The following DLGAP2 variants were observed in gnomAD, a reference collection of about 807,000 sequenced individuals.
DLGAP2 encodes the protein disks large-associated protein 2.
In DLGAP2, 26 loss-of-function variants were observed where a neutral mutation model predicts 100.3. That is an observed-to-expected ratio of 0.26 (90% confidence interval 0.19 to 0.36). The LOEUF (loss-of-function observed/expected upper bound fraction) is 0.36. DLGAP2 is among the 10% of genes least tolerant of loss of function. The pLI is 1.00. For missense variants in DLGAP2, 1,858 were observed against 1,453.2 expected (o/e 1.28, Z -4.53); for synonymous variants, 886 against 630.1 (o/e 1.41, Z -6.08).
intron 2 of DLGAP2, chr8:1,248,594 G>T (rs1269034325): frequency 6.8e-6 from 1 of 148,058 alleles, no homozygotes; most frequent in Middle Eastern, 3.5e-3. Flanking sequence ...TTTGAGATCA[G>T]TGTAGGAGTG....
intron 2 of DLGAP2, among the ~76,000 whole-genome samples, chr8:946,017 G>T (rs1762715323): frequency 6.6e-6 from 1 of 152,104 alleles, no homozygotes; most frequent in South Asian, 2.1e-4. Flanking sequence ...TCTCTGGGGG[G>T]TTGAACTCCT....
intron 6 of DLGAP2, among the ~76,000 whole-genome samples, chr8:1,618,528 T>C (rs893433731): frequency 6.6e-6 from 1 of 152,190 alleles, no homozygotes; most frequent in Admixed American, 6.5e-5. Flanking sequence ...AACCTCAGTT[T>C]TTAGAGAAAC....
intron 3 of DLGAP2, among the ~76,000 whole-genome samples, chr8:1,370,276 C>T (rs991965334): frequency 3.3e-5 from 5 of 152,124 alleles, no homozygotes; most frequent in Non-Finnish European, 7.4e-5. Flanking sequence ...GACAAGTTCT[C>T]AGCAGTTCCC....
intron 1 of DLGAP2, among the ~76,000 whole-genome samples, chr8:779,231 C>G (rs964921783): frequency 5.1e-4 from 77 of 152,340 alleles, no homozygotes; most frequent in African/African-American, 1.8e-3. Flanking sequence ...CTGACCTGTG[C>G]CCACTCTCTG....
chr8:837,471 A>G (rs186012319), intron 1 of DLGAP2, among the ~76,000 whole-genome samples: 1 of 152,202 alleles, frequency 6.6e-6, no homozygotes, highest in Non-Finnish European at 1.5e-5. Context: ...ATTATTTCTC[A>G]GAATCCTTCT....
chr8:1,008,755 G>A (rs912941498), intron 2 of DLGAP2, among the ~76,000 whole-genome samples: 1 of 152,206 alleles, frequency 6.6e-6, no homozygotes, highest in Non-Finnish European at 1.5e-5. Flanking sequence ...AGCACTGAGG[G>A]TCCGTCAGGG....
At chr8:1,085,470 C>G (rs569547359) in intron 2 of DLGAP2, among the ~76,000 whole-genome samples, 52 of 152,284 alleles carry the variant, frequency 3.4e-4, no homozygotes, top group African/African-American at 1.1e-3. Flanking sequence ...AAGTTTTCCT[C>G]TAGTAGTTTT....
chr8:1,266,755 A>G (rs967683253), intron 3 of DLGAP2, among the ~76,000 whole-genome samples: 1 of 151,922 alleles, frequency 6.6e-6, no homozygotes, highest in Non-Finnish European at 1.5e-5. Flanking sequence ...CAGTGTGTGT[A>G]TATGTGTTTG....
rs1488623781 is a variant in DLGAP2 at position 1,569,997 on chromosome 8, G to A, written c.1442+4103G>A. On this transcript the variant is annotated intron_variant, in intron 6 of 14. Transcript: ENST00000637795. ...CGGAGGCCAGGGTAGATACTGTGGG[G>A]AGAGGAGAGAAAGGAAGAAAACGGC... Among the ~76,000 whole-genome samples, 3 of 152,234 alleles carry A rather than the reference G, an allele frequency of 2.0e-5. No individual in the cohort carries two copies. In the East Asian group the frequency reaches 5.8e-4, roughly 29 times the overall value.
intron 8 of DLGAP2, among the ~76,000 whole-genome samples, chr8:1,640,453 G>A (rs1440012747): frequency 2.6e-5 from 4 of 152,190 alleles, no homozygotes; most frequent in African/African-American, 4.8e-5. Context: ...GATATCGTGC[G>A]GGAGTCGGTC....
At chr8:1,591,526 T>C (rs1002342222) in intron 6 of DLGAP2, among the ~76,000 whole-genome samples, 1 of 133,710 alleles carries the variant, frequency 7.5e-6, no homozygotes, top group Non-Finnish European at 1.6e-5. Context: ...CTTTCCTGCC[T>C]AACCCCCTCC....
intron 2 of DLGAP2, among the ~76,000 whole-genome samples, chr8:1,193,423 GTGA>G (rs1213082863): frequency 6.6e-6 from 1 of 152,174 alleles, no homozygotes; most frequent in Non-Finnish European, 1.5e-5. Context: ...CTGATGGCCA[GTGA>G]TGATGAGCAT....
chr8:1,572,322 G>T (rs1401132941), intron 6 of DLGAP2, among the ~76,000 whole-genome samples: 2 of 134,458 alleles, frequency 1.5e-5, no homozygotes, highest in Non-Finnish European at 3.2e-5. Context: ...GAGGAGAAAG[G>T]AGTGAACTGT....
At chr8:1,595,332 A>G (rs1345522263) in intron 6 of DLGAP2, among the ~76,000 whole-genome samples, 1 of 152,132 alleles carries the variant, frequency 6.6e-6, no homozygotes, top group African/African-American at 2.4e-5. Flanking sequence ...AAGAAACAAT[A>G]GGTTCCCACC....
rs1287551955 is a variant in DLGAP2, at chr8:1,282,935, G to A, written c.106+24052G>A. Among the ~76,000 whole-genome samples, 11 of 135,162 alleles carry A rather than the reference G, an allele frequency of 8.1e-5. No homozygotes were observed. The Admixed American group carries it at 8.6e-4, about 11-fold the overall frequency. The allele number at this position is 135,162 out of a possible 152,430, so 88.7% of individuals were successfully genotyped here. The stretch of plus-strand genomic sequence containing the variant: ...CCAGCACGTGAACCATCCAGACATG[G>A]TGTGACCTGAACCCAGCGCCCTGAA... On this transcript the variant is annotated intron_variant, in intron 3 of 14. Coordinates refer to ENST00000637795, the MANE Select transcript of DLGAP2 (RefSeq NM_001346810.2).
chr8:1,195,853 C>G (rs79184329), intron 2 of DLGAP2, among the ~76,000 whole-genome samples: 4,268 of 152,274 alleles, frequency 0.028, 95 homozygotes, highest in Non-Finnish European at 0.047. Context: ...TCTGCGAAAA[C>G]GCTTCCAAAT....
chr8:1,378,874 C>T (rs769973438), intron 3 of DLGAP2, among the ~76,000 whole-genome samples: 13 of 152,142 alleles, frequency 8.5e-5, no homozygotes, highest in African/African-American at 2.4e-5. Context: ...GCAGTGTGGT[C>T]GGCGGGTTCA....
chr8:1,057,348 A>G (rs1768442257), intron 2 of DLGAP2, among the ~76,000 whole-genome samples: 1 of 152,250 alleles, frequency 6.6e-6, no homozygotes, highest in African/African-American at 2.4e-5. Context: ...ACACAGGAAA[A>G]TTTGAATTAC....
At chr8:1,610,192 C>T (rs1240130086) in intron 6 of DLGAP2, among the ~76,000 whole-genome samples, 1 of 152,204 alleles carries the variant, frequency 6.6e-6, no homozygotes, top group Non-Finnish European at 1.5e-5. Flanking sequence ...AACTATCTCT[C>T]AGACCACAGT....
Sources: gnomAD v4.1 joint callset for allele counts (sites outside exome capture counted in the v4.1 genomes callset) on GRCh38, gnomAD v4.1.1 for gene constraint, MANE v1.5 for transcripts, NCBI Gene and HGNC (gene_info 2026-07-23, HGNC 2026-07-21) for gene names.